Variants in RASA3 observed in about 807,000 individuals in gnomAD.
RASA3 encodes the protein ras GTPase-activating protein 3.
A neutral mutation model predicts 110.0 loss-of-function variants in RASA3; 73 were observed. That is an observed-to-expected ratio of 0.66 (90% CI 0.55 to 0.81). The LOEUF (loss-of-function observed/expected upper bound fraction) is 0.81, where lower values mean the gene tolerates loss of function less well. Ranked by LOEUF, RASA3 falls within the 30% of genes least tolerant of loss-of-function variation. The pLI, the probability that RASA3 is intolerant of heterozygous loss-of-function variation, is 0.00. For missense variants in RASA3, 976 were observed against 1,113.2 expected, an observed-to-expected ratio of 0.88 and a Z score of 1.75; for synonymous variants, 500 against 451.4, an observed-to-expected ratio of 1.11 and a Z score of -1.37.
At position 114,018,691 on chromosome 13, in the gene RASA3, C is replaced by T. The variant is rs754571959; in HGVS notation, c.942+72G>A. ...GAGAAGGTGCCCTCTGGGGTGGGCC[C>T]GGGTGTAGGGTGGGGCCCCAGGCAG... is the stretch of plus-strand genomic sequence containing the variant. On this transcript the variant is annotated intron_variant, in intron 10 of 23. Transcript: ENST00000334062. 7.7e-6 allele frequency: 12 copies of T among 1,562,138 alleles called. No homozygotes were observed. The South Asian group carries it at 9.4e-5, about 12-fold the overall frequency.
intron 1 of RASA3, among the ~76,000 whole-genome samples, chr13:114,081,495 CG>C (rs2079787463): frequency 6.6e-6 from 1 of 152,148 alleles, no homozygotes; most frequent in South Asian, 2.1e-4. Flanking sequence ...TACAATGAGC[CG>C]CTGGGGAAAA....
intron 19 of RASA3, 21 bp from the exon 20 acceptor site, chr13:113,999,688 C>CA (rs2053338005): frequency 6.2e-7 from 1 of 1,603,630 alleles, no homozygotes; most frequent in Non-Finnish European, 8.5e-7. Context: ...GATGGACTGT[C>CA]AGTGGGTGCG....
In RASA3 at chr13:114,036,532, TTTC is replaced by T. The variant is rs371883529; in HGVS notation, c.372+4465_372+4467del. On this transcript the variant is annotated intron_variant, in intron 4 of 23. Transcript: ENST00000334062. The stretch of plus-strand genomic sequence containing the variant: ...CTGAGACTGGAGTTGTGGGGTTTTT[TTTC>T]TTCTTCTTCTTCTTTTTTTGAGATG... 3.2e-3 allele frequency among the ~76,000 whole-genome samples: 489 copies of T among 152,198 alleles called. 1 individual carries two copies. The highest frequency in any genetic ancestry group is 0.011 in the African/African-American group (444 of 41,540).
Position 114,115,720 on chromosome 13 carries a change from G to A in RASA3, c.55+16715C>T, listed in dbSNP as rs965673320. ...ACCGGTCCAGAGGTCAGAAACAGCC[G>A]CAGTCTCCTACCTCTATTGCTTCTC... is the stretch of plus-strand genomic sequence containing the variant. On this transcript the variant is annotated intron_variant, in intron 1 of 23. Coordinates refer to ENST00000334062, the MANE Select transcript of RASA3 (RefSeq NM_007368.4). This position sits in a 1 kb window ranked among gnomAD's most constrained non-coding sequence, Gnocchi z 5.0. Among the ~76,000 whole-genome samples the A allele has an allele frequency of 2.6e-5, 4 of 152,118 alleles. No individual in the cohort carries two copies. Among genetic ancestry groups the A allele is most frequent in the South Asian group, 2.1e-4 (1 of 4,818 alleles).
chr13:114,011,112 C>T lies in RASA3; in HGVS notation c.1590+59G>A. On this transcript the variant is annotated intron_variant, in intron 16 of 23. Transcript: ENST00000334062. The surrounding 1 kb of genome is among the most constrained non-coding windows in gnomAD (Gnocchi z 4.8). ...GTGGGAGGTTTTTCACGTGTATTTTCTGAAGAGAGAAAAGAATCAGTTGTC... is the reference window on the plus strand; with the variant it reads ...GTGGGAGGTTTTTCACGTGTATTTTTTGAAGAGAGAAAAGAATCAGTTGTC... The T allele has an allele frequency of 6.9e-7, 1 of 1,457,872 alleles. No individual in the cohort carries two copies. The highest frequency in any genetic ancestry group is 2.3e-5 in the East Asian group (1 of 43,714). The allele number at this position is 1,457,872 out of a possible 1,614,324, so 90.3% of individuals were successfully genotyped here. A position where few individuals can be genotyped will look rare whatever the true frequency, so the allele number is the denominator to read the frequency against.
At chr13:114,127,322 C>T (rs1167207720) in intron 1 of RASA3, among the ~76,000 whole-genome samples, 1 of 152,256 alleles carries the variant, frequency 6.6e-6, no homozygotes, top group Non-Finnish European at 1.5e-5. Flanking sequence ...GTCCAGCACC[C>T]TGGCTGAGTC....
intron 1 of RASA3, among the ~76,000 whole-genome samples, chr13:114,130,463 G>C (rs2080501796): frequency 6.6e-6 from 1 of 152,216 alleles, no homozygotes; most frequent in Non-Finnish European, 1.5e-5. Context: ...GTTTAAAGTG[G>C]AGCACAGAGC....
At chr13:113,993,884 A>G (rs1343351803) in intron 21 of RASA3, among the ~76,000 whole-genome samples, 2 of 151,998 alleles carry the variant, frequency 1.3e-5, no homozygotes, top group African/African-American at 4.8e-5. Flanking sequence ...ATGGCTTCAG[A>G]CAAAGTGGCC....
At chr13:114,042,025 G>A (rs759663857) in intron 3 of RASA3, among the ~76,000 whole-genome samples, 2 of 152,236 alleles carry the variant, frequency 1.3e-5, no homozygotes, top group Non-Finnish European at 2.9e-5. Context: ...TTGGGGCTAC[G>A]CTTCCAGTGA....
chr13:114,011,344 G>A lies in RASA3; in HGVS notation c.1513-96C>T. On this transcript the variant is annotated intron_variant, in intron 15 of 23. Transcript: ENST00000334062. The surrounding 1 kb of genome is among the most constrained non-coding windows in gnomAD (Gnocchi z 4.8). ...GACGAAATGCAGGAGTCACCTCAGA[G>A]CTGCTGTGGCTTGTGCATGAGCTAC... is the stretch of plus-strand genomic sequence containing the variant. 9.3e-7 allele frequency: 1 copy of A among 1,075,016 alleles called. No homozygotes were observed. The highest frequency in any genetic ancestry group is 1.3e-5 in the South Asian group (1 of 75,328). 66.6% of individuals were successfully genotyped at this position (1,075,016 alleles called of 1,614,324 possible).
intron 1 of RASA3, among the ~76,000 whole-genome samples, chr13:114,116,940 AGCACGTGTGTGAGGGGT>A (rs1277521077): frequency 1.3e-3 from 81 of 63,286 alleles, no homozygotes; most frequent in African/African-American, 4.1e-3. Flanking sequence ...GTGTGAGGGG[AGCACGTGTGTGAGGGGT>A]GCACGTGTGT....
rs61973931 is a variant in RASA3, at chr13:114,079,728, G to A, written c.56-5891C>T. On this transcript the variant is annotated intron_variant, in intron 1 of 23. Coordinates refer to ENST00000334062, the MANE Select transcript of RASA3 (RefSeq NM_007368.4). ...GGGTAGAGACCCCTCTCCGGGCTCT[G>A]AGCTGCTGACTGCAAGGCCCATGTG... is the stretch of plus-strand genomic sequence containing the variant. 9.2e-3 allele frequency among the ~76,000 whole-genome samples: 1,396 copies of A among 152,322 alleles called. 13 individuals carry two copies. Among genetic ancestry groups the A allele is most frequent in the Admixed American group, 0.014 (212 of 15,302 alleles).
At chr13:114,131,721 T>C (rs2080522421) in intron 1 of RASA3, among the ~76,000 whole-genome samples, 1 of 151,950 alleles carries the variant, frequency 6.6e-6, no homozygotes, top group Non-Finnish European at 1.5e-5. Context: ...CACGCACACA[T>C]GCACACACAC....
At chr13:114,130,388 T>C (rs545160433) in intron 1 of RASA3, among the ~76,000 whole-genome samples, 4 of 152,304 alleles carry the variant, frequency 2.6e-5, no homozygotes, top group Admixed American at 6.5e-5. Context: ...AAGGTTCAGA[T>C]GATATCCAGG....
chr13:114,090,262 G>A lies in RASA3; in HGVS notation c.56-16425C>T, dbSNP rs371953962. 4.6e-4 allele frequency among the ~76,000 whole-genome samples: 70 copies of A among 152,324 alleles called. 1 individual carries two copies. Among genetic ancestry groups the A allele is most frequent in the African/African-American group, 1.1e-3 (46 of 41,568 alleles). On this transcript the variant is annotated intron_variant, in intron 1 of 23. Transcript: ENST00000334062. ...TCACACCTGCCTGCAAAGCGCAAGC[G>A]TTACCATGTCTCTACACCCTCGTCA...
chr13:114,098,497 G>C (rs1355111232), intron 1 of RASA3, among the ~76,000 whole-genome samples: 4 of 152,168 alleles, frequency 2.6e-5, no homozygotes, highest in African/African-American at 9.7e-5. Context: ...GCAGAGACGT[G>C]AACAGGCGAA....
intron 7 of RASA3, among the ~76,000 whole-genome samples, chr13:114,026,019 G>A (rs2054019367): frequency 1.3e-5 from 2 of 152,222 alleles, no homozygotes. Context: ...GGTCAGCGAG[G>A]TCCGGGCCTT....
intron 1 of RASA3, among the ~76,000 whole-genome samples, chr13:114,099,461 C>T (rs528200768): frequency 9.9e-4 from 151 of 151,928 alleles, no homozygotes; most frequent in Admixed American, 2.7e-3. Context: ...TTGGATTCCC[C>T]GGGGTGTCCG....
chr13:114,127,158 C>T (rs1003175797), intron 1 of RASA3, among the ~76,000 whole-genome samples: 6 of 152,376 alleles, frequency 3.9e-5, no homozygotes, highest in Non-Finnish European at 8.8e-5. Flanking sequence ...ATCCACTCTG[C>T]GCCTGCGCGG....
Sources: gnomAD v4.1 joint callset for allele counts (sites outside exome capture counted in the v4.1 genomes callset) on GRCh38, gnomAD v4.1.1 for gene constraint, Gnocchi (gnomAD v3.1) non-coding constraint, MANE v1.5 for transcripts, NCBI Gene and HGNC (gene_info 2026-07-23, HGNC 2026-07-21) for gene names.